The following DOCK3 variants were observed in gnomAD, a reference collection of about 807,000 sequenced individuals.
The protein encoded by DOCK3 is dedicator of cytokinesis 3.
Under a neutral mutation model 265.6 loss-of-function variants are expected in DOCK3, and 60 were observed. That is an observed-to-expected ratio of 0.23 (90% CI 0.18 to 0.28). DOCK3 has a LOEUF of 0.28. DOCK3 is among the 10% of genes least tolerant of loss of function. The pLI, the probability that DOCK3 is intolerant of heterozygous loss-of-function variation, is 1.00. For missense variants in DOCK3, 1,981 were observed against 2,594.3 expected (o/e 0.76, Z 5.14); for synonymous variants, 881 against 938.0 (o/e 0.94, Z 1.11).
chr3:51,150,389 T>C (rs1424196432), intron 10 of DOCK3, among the ~76,000 whole-genome samples: 1 of 152,192 alleles, frequency 6.6e-6, no homozygotes. Context: ...CTTTTAAATG[T>C]GTTTGCTCTT....
At chr3:51,282,034 T>C (rs1478516916) in intron 27 of DOCK3, among the ~76,000 whole-genome samples, 1 of 152,232 alleles carries the variant, frequency 6.6e-6, no homozygotes, top group East Asian at 1.9e-4. Context: ...TATAACCTGA[T>C]GCATTCACCC....
intron 22 of DOCK3, among the ~76,000 whole-genome samples, chr3:51,255,029 G>A (rs1280674110): frequency 1.3e-5 from 2 of 152,164 alleles, no homozygotes; most frequent in Non-Finnish European, 1.5e-5. Flanking sequence ...TATGTTTAGT[G>A]CTTCCTTCAG....
chr3:50,749,153 C>A (rs1038916852), intron 1 of DOCK3, among the ~76,000 whole-genome samples: 63 of 152,128 alleles, frequency 4.1e-4, no homozygotes, highest in African/African-American at 1.5e-3. Flanking sequence ...GCATTTGCCT[C>A]CTCTTTATAG....
At chr3:51,008,684 C>G (rs113734513) in intron 5 of DOCK3, among the ~76,000 whole-genome samples, 2,573 of 152,050 alleles carry the variant, frequency 0.017, 53 homozygotes, top group African/African-American at 0.042. Context: ...GAGGGCATCC[C>G]TGTCTTGTGC....
intron 1 of DOCK3, among the ~76,000 whole-genome samples, chr3:50,692,100 G>C (rs1395466726): frequency 6.6e-6 from 1 of 151,896 alleles, no homozygotes; most frequent in Non-Finnish European, 1.5e-5. Flanking sequence ...TTATTTTTTA[G>C]AGGTAATAGT....
Position 51,229,590 on chromosome 3 carries a change from G to A in DOCK3, c.1898G>A (p.Ser633Asn). Residue 633 changes from serine to asparagine, a missense_variant, in exon 19 of 53, where the codon AGT (serine) becomes AAT (asparagine). This residue lies in a region of DOCK3 where 1,357 missense variants were observed against 1,866.8 expected (regional missense o/e 0.73). Coordinates refer to ENST00000266037, the MANE Select transcript of DOCK3 (RefSeq NM_004947.5). ...GTACTAGGGCGGCTGCGGCATGTCA[G>A]TGGGGAGGAAATTGTTAAGGTATGT... ...MDVLGRLRHV[S>N]GEEIVKFLQD... 2.5e-6 allele frequency: 4 copies of A among 1,605,062 alleles called. No homozygotes were observed. The highest frequency in any genetic ancestry group is 3.4e-6 in the Non-Finnish European group (4 of 1,175,574).
intron 27 of DOCK3, among the ~76,000 whole-genome samples, chr3:51,281,422 T>C (rs1168415991): frequency 6.6e-6 from 1 of 151,922 alleles, no homozygotes; most frequent in East Asian, 1.9e-4. Context: ...AACTTATTGT[T>C]TTTATAAAAA....
At chr3:50,701,460 G>C (rs146512092) in intron 1 of DOCK3, among the ~76,000 whole-genome samples, 7 of 152,202 alleles carry the variant, frequency 4.6e-5, no homozygotes, top group Non-Finnish European at 1.0e-4. Flanking sequence ...TTTTGCTGTT[G>C]AGTTCCTTGT....
intron 1 of DOCK3, among the ~76,000 whole-genome samples, chr3:50,720,910 G>A (rs535935259): frequency 2.0e-5 from 3 of 151,996 alleles, no homozygotes; most frequent in African/African-American, 7.2e-5. Flanking sequence ...GGTGTTAGAT[G>A]GTGTCTCATT....
rs772560222 is a variant in DOCK3 at position 51,222,994 on chromosome 3, A to G, written c.1253-2655A>G. ...CACTCTGTCACCCAGGCTGAAGTAC[A>G]CTGGCATGATCATAGCTCACTGCAG... On this transcript the variant is annotated intron_variant, in intron 14 of 52. Coordinates refer to ENST00000266037, the MANE Select transcript of DOCK3 (RefSeq NM_004947.5). Among the ~76,000 whole-genome samples the G allele has an allele frequency of 3.9e-5, 6 of 152,216 alleles. 1 individual carries two copies. The highest frequency in any genetic ancestry group is 8.8e-5 in the Non-Finnish European group (6 of 68,046).
chr3:51,114,073 C>T (rs769482449), intron 9 of DOCK3, among the ~76,000 whole-genome samples: 1 of 150,428 alleles, frequency 6.6e-6, no homozygotes, highest in Non-Finnish European at 1.5e-5. Flanking sequence ...TGCATCACTG[C>T]GTTCAAGTCT....
chr3:50,849,351 TACACACACACACATAC>T (rs1252551712), intron 3 of DOCK3, among the ~76,000 whole-genome samples: 1 of 150,610 alleles, frequency 6.6e-6, no homozygotes, highest in Non-Finnish European at 1.5e-5. Flanking sequence ...TATACATATA[TACACACACACACATAC>T]ACACGCACAC....
intron 3 of DOCK3, among the ~76,000 whole-genome samples, chr3:50,885,168 C>A (rs950767259): frequency 3.3e-5 from 5 of 152,132 alleles, no homozygotes; most frequent in Non-Finnish European, 5.9e-5. Flanking sequence ...AGATTGATTT[C>A]TTTCACTTAG....
chr3:50,767,313 C>A (rs1026122581), intron 1 of DOCK3, among the ~76,000 whole-genome samples: 3 of 152,100 alleles, frequency 2.0e-5, no homozygotes, highest in Admixed American at 6.6e-5. Flanking sequence ...TAAGGAAGGG[C>A]TCCAGTTTCA....
intron 12 of DOCK3, among the ~76,000 whole-genome samples, chr3:51,194,684 T>C (rs931131625): frequency 3.3e-5 from 5 of 152,172 alleles, no homozygotes; most frequent in Admixed American, 3.3e-4. Context: ...TTACTGTTCT[T>C]GACTTAAAGT....
intron 2 of DOCK3, among the ~76,000 whole-genome samples, chr3:50,788,634 G>A (rs879052787): frequency 5.3e-5 from 8 of 152,188 alleles, no homozygotes; most frequent in South Asian, 2.1e-4. Context: ...AGCCAGGCTG[G>A]CCCCTCACTC....
intron 9 of DOCK3, among the ~76,000 whole-genome samples, chr3:51,100,944 G>T (rs980118004): frequency 6.6e-6 from 1 of 151,364 alleles, no homozygotes. Flanking sequence ...ACAGGTGCAC[G>T]CCACCACGCC....
chr3:50,788,304 A>ATT, intron 2 of DOCK3: 1 of 381,748 alleles, frequency 2.6e-6, no homozygotes, highest in Non-Finnish European at 4.5e-6. Context: ...GACTCAATTT[A>ATT]TTAAGCAGTT....
chr3:50,817,645 T>G (rs997124747), intron 2 of DOCK3, among the ~76,000 whole-genome samples: 1 of 152,046 alleles, frequency 6.6e-6, no homozygotes, highest in Non-Finnish European at 1.5e-5. Context: ...ACGTTATAAC[T>G]TCTCGTTCTT....
Sources: gnomAD v4.1 joint callset for allele counts (sites outside exome capture counted in the v4.1 genomes callset) on GRCh38, gnomAD v4.1.1 for gene constraint, gnomAD v4.1.1 regional missense constraint, MANE v1.5 for transcripts, NCBI Gene and HGNC (gene_info 2026-07-23, HGNC 2026-07-21) for gene names.